Variants in NEK9 observed in about 807,000 individuals in gnomAD.
The protein encoded by NEK9 is NIMA related kinase 9, also known as serine/threonine-protein kinase Nek9.
NEK9 carries 75 observed loss-of-function variants against 123.4 expected under a neutral mutation model. The ratio of observed to expected loss-of-function variants is 0.61; its 90% confidence interval spans 0.50 to 0.74. NEK9 has a LOEUF of 0.74. Among genes scored for constraint, NEK9 ranks in the 30% least tolerant of loss-of-function variants. The pLI is 0.00. For synonymous variants in NEK9, 438 were observed against 458.7 expected, an observed-to-expected ratio of 0.95 and a Z score of 0.58; for missense variants, 952 against 1,214.4, an observed-to-expected ratio of 0.78 and a Z score of 3.21.
At chr14:75,091,044 A>C (rs1277947528) in intron 19 of NEK9, among the ~76,000 whole-genome samples, 3 of 152,244 alleles carry the variant, frequency 2.0e-5, no homozygotes, top group Non-Finnish European at 4.4e-5. Context: ...GTAACTTATA[A>C]TACATTCACT....
At chr14:75,115,635 A>G (rs1315562323) in intron 6 of NEK9, among the ~76,000 whole-genome samples, 1 of 152,222 alleles carries the variant, frequency 6.6e-6, no homozygotes, top group East Asian at 1.9e-4. Context: ...AGGATCAAAG[A>G]GATGAAGTGA....
intron 6 of NEK9, among the ~76,000 whole-genome samples, chr14:75,114,999 A>ACG (rs1555353526): frequency 6.6e-6 from 1 of 151,476 alleles, no homozygotes; most frequent in Non-Finnish European, 1.5e-5. Context: ...ATATATACAC[A>ACG]CATACATATA....
Position 75,107,434 on chromosome 14 carries a change from G to C in NEK9, c.1236C>G (p.Ala412=). The C allele has an allele frequency of 6.2e-7, 1 of 1,613,586 alleles. No homozygotes were observed. Among genetic ancestry groups the C allele is most frequent in the Non-Finnish European group, 8.5e-7 (1 of 1,179,790 alleles). ...CCACATGCTTTGGCTGTCGATAGGAGGCTTTGTCTCCATGGCCCAGCTGAC... is the reference window on the plus strand; with the variant it reads ...CCACATGCTTTGGCTGTCGATAGGACGCTTTGTCTCCATGGCCCAGCTGAC... ...LHGQLGHGDK[A]SYRQPKHVEK... Residue 412 remains alanine, a synonymous_variant, in exon 11 of 22, where the codon GCC becomes GCG. Coordinates refer to ENST00000238616, the MANE Select transcript of NEK9 (RefSeq NM_033116.6).
upstream of NEK9, chr14:75,127,145 A>G (rs2139822151): frequency 2.1e-6 from 1 of 474,774 alleles, no homozygotes; most frequent in Non-Finnish European, 3.7e-6. Context: ...CTAGCGGCCA[A>G]GGCTTCCCGC....
At chr14:75,119,184 C>T (rs959248837) in intron 4 of NEK9, among the ~76,000 whole-genome samples, 1 of 151,824 alleles carries the variant, frequency 6.6e-6, no homozygotes, top group Non-Finnish European at 1.5e-5. Flanking sequence ...TGGTGGCATA[C>T]ACTTGTAGTC....
At chr14:75,125,780 G>C (rs4903284) in intron 1 of NEK9, among the ~76,000 whole-genome samples, 67,666 of 152,012 alleles carry the variant, frequency 0.45, 16,417 homozygotes, top group East Asian at 0.83. Context: ...TGCTGGCTTG[G>C]AACACACACC....
At chr14:75,114,914 C>G (rs2139788871) in intron 6 of NEK9, among the ~76,000 whole-genome samples, 2 of 151,798 alleles carry the variant, frequency 1.3e-5, no homozygotes, top group Admixed American at 1.3e-4. Flanking sequence ...AGTAACTTGC[C>G]CAAAATCACA....
intron 8 of NEK9, among the ~76,000 whole-genome samples, chr14:75,111,339 C>T (rs757436367): frequency 6.6e-6 from 1 of 152,172 alleles, no homozygotes; most frequent in African/African-American, 2.4e-5. Context: ...TTTTTGAAAG[C>T]TCCTGATATT....
At chr14:75,098,444 G>A (rs1894460134) in intron 16 of NEK9, among the ~76,000 whole-genome samples, 1 of 152,124 alleles carries the variant, frequency 6.6e-6, no homozygotes, top group Non-Finnish European at 1.5e-5. Context: ...ATCAAGTTGA[G>A]GAGCTGTTGA....
At position 75,084,544 on chromosome 14, in the gene NEK9, G is replaced by A. The variant is rs1400481625; in HGVS notation, c.*20C>T. The A allele has an allele frequency of 6.2e-7, 1 of 1,613,716 alleles. No homozygotes were observed. The highest frequency in any genetic ancestry group is 1.7e-5 in the Admixed American group (1 of 60,006). On this transcript the variant is annotated 3_prime_UTR_variant, in exon 22 of 22. Coordinates refer to ENST00000238616, the MANE Select transcript of NEK9 (RefSeq NM_033116.6). ...GTTCTTTGGGTCCCAGTCTCCTGGG[G>A]GCTCTACAGGCTCAGGAGACTAGAG...
chr14:75,123,988 A>G (rs1895428476), intron 2 of NEK9, 58 bp downstream of exon 2: 1 of 1,370,620 alleles, frequency 7.3e-7, no homozygotes, highest in Non-Finnish European at 1.0e-6. Context: ...CTTCTCCTCA[A>G]CGTAATTATG....
chr14:75,113,517 C>A, intron 7 of NEK9, 114 bp from the exon 8 acceptor site: 5 of 723,964 alleles, frequency 6.9e-6, no homozygotes. Context: ...AAAATCATTT[C>A]TTATGTGATA....
Position 75,110,342 on chromosome 14 carries a change from T to C in NEK9, c.968A>G (p.Asn323Ser). 2 of 1,613,434 alleles carry C rather than the reference T, an allele frequency of 1.2e-6. No individual in the cohort carries two copies. Among genetic ancestry groups the C allele is most frequent in the Non-Finnish European group, 1.7e-6 (2 of 1,179,444 alleles). ...TTACCTTGGTCTCTTTGTAGGTGCA[T>C]TAAGCAGAGTGACTTTTTCCTCCAT... is the stretch of plus-strand genomic sequence containing the variant. Reference protein sequence around the residue: ...REMEEKVTLLNAPTKRPRSST... With the variant: ...REMEEKVTLLSAPTKRPRSST... The change falls in exon 9 of 22, where the codon AAT becomes AGT. Residue 323 changes from asparagine to serine, a missense_variant. Asn to Ser is a conservative substitution (Grantham distance 46). Transcript: ENST00000238616.
intron 10 of NEK9, among the ~76,000 whole-genome samples, chr14:75,108,125 CTT>C (rs528274966): frequency 2.3e-4 from 33 of 141,900 alleles, no homozygotes; most frequent in African/African-American, 2.6e-4. Flanking sequence ...GACTTTTCAA[CTT>C]TTTTTTTTTT....
chr14:75,103,739 T>G, intron 14 of NEK9, 103 bp downstream of exon 14: 1 of 1,297,984 alleles, frequency 7.7e-7, no homozygotes, highest in Non-Finnish European at 1.1e-6. Flanking sequence ...AGACCATAAC[T>G]AAAGTCAAAT....
intron 1 of NEK9, among the ~76,000 whole-genome samples, chr14:75,124,545 A>C (rs1265669529): frequency 6.6e-6 from 1 of 152,178 alleles, no homozygotes; most frequent in Non-Finnish European, 1.5e-5. Flanking sequence ...CATGATGGTG[A>C]TTATGGCAGG....
intron 4 of NEK9, 24 bp downstream of exon 4, chr14:75,120,486 T>G: frequency 6.5e-7 from 1 of 1,550,126 alleles, no homozygotes; most frequent in Non-Finnish European, 8.9e-7. Flanking sequence ...GAAGAATCCA[T>G]CCATAATTTT....
At chr14:75,122,348 C>T (rs1188830645) in intron 2 of NEK9, among the ~76,000 whole-genome samples, 1 of 152,120 alleles carries the variant, frequency 6.6e-6, no homozygotes, top group Non-Finnish European at 1.5e-5. Flanking sequence ...TCGTAAGTGA[C>T]GAATATGCTG....
rs1285730803 is a variant in NEK9, at chr14:75,110,318, T to C, written c.989+3A>G. ...TAGTTTTTAAGAGTCTCTTGAACAT[T>C]ACCTTGGTCTCTTTGTAGGTGCATT... On this transcript the variant is annotated splice_donor_region_variant and intron_variant, in intron 9 of 21. Coordinates refer to ENST00000238616, the MANE Select transcript of NEK9 (RefSeq NM_033116.6). The C allele has an allele frequency of 6.2e-7, 1 of 1,610,646 alleles. No individual in the cohort carries two copies. Among genetic ancestry groups the C allele is most frequent in the African/African-American group, 1.3e-5 (1 of 74,984 alleles).
Sources: allele counts gnomAD v4.1 joint callset (sites outside exome capture counted in the v4.1 genomes callset), GRCh38; gene constraint gnomAD v4.1.1; transcripts MANE v1.5; gene names NCBI Gene and HGNC (gene_info 2026-07-23, HGNC 2026-07-21).